ADIPOR2: variants seen among roughly 807,000 people sequenced by gnomAD.
ADIPOR2 encodes the protein adiponectin receptor protein 2.
A neutral mutation model predicts 40.9 loss-of-function variants in ADIPOR2; 18 were observed. The observed-to-expected ratio is 0.44, with a 90% CI of 0.30 to 0.65. ADIPOR2 has a LOEUF of 0.65. Among genes scored for constraint, ADIPOR2 ranks in the 30% least tolerant of loss-of-function variants. ADIPOR2 has a pLI of 0.09. For missense variants in ADIPOR2, 283 were observed against 479.2 expected (o/e 0.59, Z 3.82); for synonymous variants, 165 against 166.4 (o/e 0.99, Z 0.06).
Position 1,786,239 on chromosome 12 carries a change from A to G in ADIPOR2, c.*167A>G. On this transcript the variant is annotated 3_prime_UTR_variant, in exon 8 of 8. Coordinates refer to ENST00000357103, the MANE Select transcript of ADIPOR2 (RefSeq NM_024551.3). ...GCGTGGTACATGACTGAGAAGAGAA[A>G]AACAAAAATAAATCATACCTCAAAG... The G allele has an allele frequency of 2.6e-6, 2 of 778,370 alleles. No homozygotes were observed. Among genetic ancestry groups the G allele is most frequent in the South Asian group, 4.7e-5 (2 of 43,002 alleles). 48.2% of individuals were successfully genotyped at this position (778,370 alleles called of 1,614,324 possible).
intron 1 of ADIPOR2, among the ~76,000 whole-genome samples, chr12:1,694,769 T>G (rs1042648567): frequency 4.6e-5 from 7 of 152,252 alleles, no homozygotes; most frequent in Non-Finnish European, 5.9e-5. Flanking sequence ...ATACAAGTAA[T>G]TATTTGCAGA....
intron 7 of ADIPOR2, among the ~76,000 whole-genome samples, chr12:1,784,615 T>C (rs975587314): frequency 1.6e-4 from 25 of 152,152 alleles, no homozygotes; most frequent in African/African-American, 4.6e-4. Flanking sequence ...ATTTAGTGAT[T>C]TGTAATGGGA....
Position 1,749,081 on chromosome 12 carries a change from C to T in ADIPOR2, c.-86-5177C>T, listed in dbSNP as rs151195178. 8.3e-4 allele frequency among the ~76,000 whole-genome samples: 127 copies of T among 152,292 alleles called. 1 individual carries two copies. Among genetic ancestry groups the T allele is most frequent in the African/African-American group, 2.8e-3 (118 of 41,568 alleles). On this transcript the variant is annotated intron_variant, in intron 1 of 7. Transcript: ENST00000357103. ...GACTGGCGCACAGAACTCAGGGAAA[C>T]ACTTATTTACGCTTACTAGTTTATT...
At chr12:1,783,322 A>G (rs1862761463) in intron 6 of ADIPOR2, among the ~76,000 whole-genome samples, 1 of 151,738 alleles carries the variant, frequency 6.6e-6, no homozygotes, top group South Asian at 2.1e-4. Context: ...CTTTCCGAAA[A>G]CATTTAGCAA....
At chr12:1,698,427 G>T (rs933564095) in intron 1 of ADIPOR2, among the ~76,000 whole-genome samples, 9 of 152,112 alleles carry the variant, frequency 5.9e-5, no homozygotes, top group African/African-American at 2.2e-4. Context: ...TTGCCATGTT[G>T]CCCAGGCCGG....
At chr12:1,744,696 G>A (rs543741049) in intron 1 of ADIPOR2, among the ~76,000 whole-genome samples, 2 of 152,244 alleles carry the variant, frequency 1.3e-5, no homozygotes, top group South Asian at 2.1e-4. Flanking sequence ...CTATTTTAAT[G>A]TTCGGAACTA....
Position 1,754,355 on chromosome 12 carries a change from A to G in ADIPOR2, c.12A>G (p.Pro4=). 1 of 1,606,910 alleles carries G rather than the reference A, an allele frequency of 6.2e-7. No homozygotes were observed. Among genetic ancestry groups the G allele is most frequent in the Non-Finnish European group, 8.5e-7 (1 of 1,177,274 alleles). The change falls in exon 2 of 8, where the codon CCA becomes CCG. Residue 4 remains proline (P), a synonymous_variant. Transcript: ENST00000357103. ...GGCTTGGGTATCCCATGAACGAGCC[A>G]ACAGAAAACCGATTGGGGTGCAGCA... MNE[P]TENRLGCSRT... is the part of the protein sequence containing the mutation.
At chr12:1,765,280 CATTT>C (rs1483576854) in intron 2 of ADIPOR2, among the ~76,000 whole-genome samples, 2 of 152,168 alleles carry the variant, frequency 1.3e-5, no homozygotes, top group Non-Finnish European at 2.9e-5. Context: ...GAATATGAGA[CATTT>C]ATTCAGTCTA....
intron 1 of ADIPOR2, among the ~76,000 whole-genome samples, chr12:1,753,666 A>G (rs1862051195): frequency 6.6e-6 from 1 of 152,158 alleles, no homozygotes; most frequent in South Asian, 2.1e-4. Flanking sequence ...TTTATTTTTT[A>G]TAAAGTATGG....
At chr12:1,716,093 T>G (rs946350525) in intron 1 of ADIPOR2, among the ~76,000 whole-genome samples, 1 of 152,218 alleles carries the variant, frequency 6.6e-6, no homozygotes, top group Non-Finnish European at 1.5e-5. Context: ...GTTCTGCGGC[T>G]TCATTCTTGA....
In ADIPOR2 at chr12:1,780,822, T is replaced by C. The variant is rs375777748; in HGVS notation, c.651-67T>C. 1.2e-4 allele frequency: 177 copies of C among 1,450,912 alleles called. No homozygotes were observed. The African/African-American group carries it at 2.2e-3, about 18-fold the overall frequency. The allele number at this position is 1,450,912 out of a possible 1,614,324, so 89.9% of individuals were successfully genotyped here. A position where few individuals can be genotyped will look rare whatever the true frequency, so the allele number is the denominator to read the frequency against. On this transcript the variant is annotated intron_variant, in intron 5 of 7. Transcript: ENST00000357103. ...GATGGCTTATGTCATGAGGGATTAA[T>C]TGGAACCTGTAGTGGCCAGTAGTTT...
chr12:1,771,999 TGTTA>T (rs777247234), intron 2 of ADIPOR2, among the ~76,000 whole-genome samples: 2 of 152,236 alleles, frequency 1.3e-5, no homozygotes, highest in Non-Finnish European at 2.9e-5. Context: ...GATCCATTGA[TGTTA>T]GTGGTGGAGC....
At chr12:1,730,723 A>G (rs1300619957) in intron 1 of ADIPOR2, 1 of 151,970 alleles carries the variant, frequency 6.6e-6, no homozygotes, top group South Asian at 2.1e-4. Context: ...CTTGGCTTTT[A>G]GATGAAATCT....
chr12:1,729,879 T>C (rs1236273831), intron 1 of ADIPOR2, among the ~76,000 whole-genome samples: 2 of 152,110 alleles, frequency 1.3e-5, no homozygotes, highest in Non-Finnish European at 2.9e-5. Context: ...ACATAGTAAA[T>C]TTTGTTGCTT....
At chr12:1,703,189 G>A (rs537500314) in intron 1 of ADIPOR2, among the ~76,000 whole-genome samples, 15 of 152,294 alleles carry the variant, frequency 9.8e-5, no homozygotes, top group African/African-American at 3.6e-4. Flanking sequence ...ATAAGCTAGA[G>A]CTATACGTTG....
chr12:1,784,201 A>G (rs879509962), intron 7 of ADIPOR2, 128 bp downstream of exon 7: 40 of 1,051,280 alleles, frequency 3.8e-5, no homozygotes, highest in Admixed American at 6.5e-5. Context: ...CTAACTCCCT[A>G]TTGAGCTTTC....
rs184560128 is a variant in ADIPOR2, at chr12:1,783,793, C to T, written c.839-87C>T. The T allele has an allele frequency of 1.3e-5, 14 of 1,092,290 alleles. No homozygotes were observed. In the South Asian group the frequency reaches 2.1e-4, roughly 16 times the overall value. The allele number at this position is 1,092,290 out of a possible 1,614,324, so 67.7% of individuals were successfully genotyped here. The stretch of plus-strand genomic sequence containing the variant: ...ATGCTACTTTGAAATATTCAGTTTA[C>T]AGAGTTAATGGTGCTGTGCTGTAAT... On this transcript the variant is annotated intron_variant, in intron 6 of 7. Coordinates refer to ENST00000357103, the MANE Select transcript of ADIPOR2 (RefSeq NM_024551.3).
intron 3 of ADIPOR2, 64 bp downstream of exon 3, chr12:1,773,025 T>C: frequency 6.4e-7 from 1 of 1,568,636 alleles, no homozygotes; most frequent in Non-Finnish European, 8.7e-7. Context: ...CAGAAACCTT[T>C]AAAGAGAGTG....
intron 6 of ADIPOR2, among the ~76,000 whole-genome samples, chr12:1,782,909 A>C (rs1326998051): frequency 6.7e-6 from 1 of 148,536 alleles, no homozygotes. Context: ...GTGCCCAGTT[A>C]TAGGTTATAG....
Sources: allele counts gnomAD v4.1 joint callset (sites outside exome capture counted in the v4.1 genomes callset), GRCh38; gene constraint gnomAD v4.1.1; transcripts MANE v1.5; gene names NCBI Gene and HGNC (gene_info 2026-07-23, HGNC 2026-07-21).